The following DAGLA variants were observed in gnomAD, a reference collection of about 807,000 sequenced individuals.
DAGLA encodes diacylglycerol lipase alpha.
In DAGLA, 22 loss-of-function variants were observed where a neutral mutation model predicts 102.6. The observed-to-expected ratio is 0.21, with a 90% CI of 0.15 to 0.31. The LOEUF (loss-of-function observed/expected upper bound fraction) is 0.31. Ranked by LOEUF, DAGLA falls within the 10% of genes least tolerant of loss-of-function variation. DAGLA has a pLI of 1.00. For missense variants in DAGLA, 927 were observed against 1,446.6 expected (o/e 0.64, Z 5.83); for synonymous variants, 578 against 628.9 (o/e 0.92, Z 1.21).
chr11:61,735,107 G>A, intron 10 of DAGLA, 105 bp downstream of exon 10: 1 of 1,347,356 alleles, frequency 7.4e-7, no homozygotes, highest in Non-Finnish European at 1.0e-6. Flanking sequence ...CTTGGCTGGT[G>A]CTGGCTGGCT....
At chr11:61,728,386 G>A (rs2065348078) in intron 7 of DAGLA, 99 bp downstream of exon 7, 5 of 1,472,262 alleles carry the variant, frequency 3.4e-6, no homozygotes, top group African/African-American at 1.4e-5. Context: ...CGGCTCCCAC[G>A]CAGCTCCCCA....
chr11:61,710,983 A>C (rs1040118581), intron 1 of DAGLA, among the ~76,000 whole-genome samples: 9 of 152,296 alleles, frequency 5.9e-5, no homozygotes, highest in African/African-American at 2.2e-4. Flanking sequence ...CTAAGATTCA[A>C]ATTCGGGCTG....
At chr11:61,707,068 G>A (rs945325209) in intron 1 of DAGLA, among the ~76,000 whole-genome samples, 3 of 152,228 alleles carry the variant, frequency 2.0e-5, no homozygotes, top group Non-Finnish European at 2.9e-5. Context: ...TAGGGGGGCC[G>A]AGGGCACCAG....
chr11:61,737,015 G>A (rs143732748), intron 13 of DAGLA, among the ~76,000 whole-genome samples, 167 bp from the exon 14 acceptor site: 6 of 152,348 alleles, frequency 3.9e-5, no homozygotes, highest in East Asian at 1.9e-4. Flanking sequence ...CTAAGCAGTC[G>A]CTCTGTGGGG....
At chr11:61,709,042 T>C (rs1253024242) in intron 1 of DAGLA, among the ~76,000 whole-genome samples, 1 of 152,178 alleles carries the variant, frequency 6.6e-6, no homozygotes, top group Non-Finnish European at 1.5e-5. Context: ...TGTGGCCCCT[T>C]TTGCCCTCCT....
Position 61,739,592 on chromosome 11 carries a change from C to T in DAGLA, c.1784C>T (p.Ala595Val). The T allele has an allele frequency of 1.9e-6, 3 of 1,614,096 alleles. No individual in the cohort carries two copies. The highest frequency in any genetic ancestry group is 2.5e-6 in the Non-Finnish European group (3 of 1,180,022). The change falls in exon 17 of 20, where the codon GCC becomes GTC. Residue 595 changes from alanine (A) to valine (V), a missense_variant. Transcript: ENST00000257215. Reference sequence around the variant, plus strand: ...AGCGACCTAACTATAGCCCTCTCAGCCAGCACTCCACTCTACCCGCCCGGC... The same window carrying T: ...AGCGACCTAACTATAGCCCTCTCAGTCAGCACTCCACTCTACCCGCCCGGC... The part of the protein sequence containing the change: ...HPSDLTIALS[A>V]STPLYPPGRI...
Position 61,734,532 on chromosome 11 carries a change from C to T in DAGLA, c.975-317C>T, listed in dbSNP as rs1045492829. Among the ~76,000 whole-genome samples, 1 of 152,046 alleles carries T rather than the reference C, an allele frequency of 6.6e-6. No individual in the cohort carries two copies. Among genetic ancestry groups the T allele is most frequent in the Admixed American group, 6.5e-5 (1 of 15,268 alleles). On this transcript the variant is annotated intron_variant, in intron 9 of 19. Transcript: ENST00000257215. The surrounding 1 kb of genome is among the most constrained non-coding windows in gnomAD (Gnocchi z 4.2). ...GGAGGAGCCAGTGCCCCCAGAGGGACCCCAGGGCTTCAGTGTTGGGTGCAT... is the reference window on the plus strand; with the variant it reads ...GGAGGAGCCAGTGCCCCCAGAGGGATCCCAGGGCTTCAGTGTTGGGTGCAT...
intron 7 of DAGLA, among the ~76,000 whole-genome samples, chr11:61,728,627 C>T (rs934575119): frequency 2.7e-4 from 41 of 152,214 alleles, no homozygotes; most frequent in African/African-American, 7.5e-4. Context: ...ACCCCACATC[C>T]CCACCAGCAC....
chr11:61,739,204 C>T (rs2065453322), intron 16 of DAGLA, among the ~76,000 whole-genome samples: 1 of 152,230 alleles, frequency 6.6e-6, no homozygotes, highest in Non-Finnish European at 1.5e-5. Context: ...CTTCCAGCCC[C>T]TTGCCAGCCC....
At chr11:61,696,363 C>T (rs2065065173) in intron 1 of DAGLA, among the ~76,000 whole-genome samples, 1 of 152,054 alleles carries the variant, frequency 6.6e-6, no homozygotes, top group Non-Finnish European at 1.5e-5. Flanking sequence ...GGCTGCCTGC[C>T]TTCCACTCCC....
In DAGLA at chr11:61,731,377, G is replaced by A; in HGVS notation, c.910G>A (p.Gly304Arg). ...YYMLFALAAY[G>R]WPMYLMRKPA... is the part of the protein sequence containing the mutation. ...CATGCTCTTTGCCCTGGCTGCCTAC[G>A]GGTGGCCCATGTACCTGATGCGGAA... The change falls in exon 9 of 20, where the codon GGG (glycine) becomes AGG (arginine). Residue 304 changes from glycine to arginine, a missense_variant. By Grantham distance (125) the Gly-to-Arg change is moderately radical. Around this residue, in one of 4 missense-constraint regions of DAGLA, gnomAD observed 231 missense variants for 439.8 expected, o/e 0.53. Coordinates refer to ENST00000257215, the MANE Select transcript of DAGLA (RefSeq NM_006133.3). 6.2e-7 allele frequency: 1 copy of A among 1,614,080 alleles called. No homozygotes were observed. The highest frequency in any genetic ancestry group is 8.5e-7 in the Non-Finnish European group (1 of 1,180,028).
At chr11:61,711,392 A>G (rs1228561325) in intron 1 of DAGLA, among the ~76,000 whole-genome samples, 1 of 152,256 alleles carries the variant, frequency 6.6e-6, no homozygotes, top group Non-Finnish European at 1.5e-5. Context: ...GGAAGAATCC[A>G]GAAGCCAGAC....
intron 1 of DAGLA, among the ~76,000 whole-genome samples, chr11:61,715,648 G>A (rs956689596): frequency 3.3e-5 from 5 of 152,164 alleles, no homozygotes; most frequent in Admixed American, 6.5e-5. Context: ...CAGGCTCCTC[G>A]GTCAGGGCTT....
At chr11:61,731,812 TTC>T (rs2065377903) in intron 9 of DAGLA, among the ~76,000 whole-genome samples, 1 of 152,132 alleles carries the variant, frequency 6.6e-6, no homozygotes, top group South Asian at 2.1e-4. Context: ...CCTTCTGGCG[TTC>T]TCTCTCTGCC....
chr11:61,722,546 A>G (rs947355094), intron 3 of DAGLA, among the ~76,000 whole-genome samples: 4 of 152,200 alleles, frequency 2.6e-5, no homozygotes, highest in Non-Finnish European at 5.9e-5. Context: ...AGATCACACC[A>G]TTGCACTCCA....
intron 3 of DAGLA, among the ~76,000 whole-genome samples, chr11:61,721,868 C>T (rs546416031): frequency 3.0e-4 from 46 of 152,370 alleles, no homozygotes; most frequent in Non-Finnish European, 4.0e-4. Context: ...AACTAGTAAG[C>T]GTGTAAATGT....
At chr11:61,735,888 G>T in intron 12 of DAGLA, 72 bp downstream of exon 12, 1 of 1,409,336 alleles carries the variant, frequency 7.1e-7, no homozygotes, top group Non-Finnish European at 9.7e-7. Context: ...GGCGTGTATG[G>T]TTGGGGGTTC....
At chr11:61,720,356 T>C in intron 2 of DAGLA, 106 bp downstream of exon 2, 1 of 1,127,166 alleles carries the variant, frequency 8.9e-7, no homozygotes, top group Non-Finnish European at 1.3e-6. Flanking sequence ...GTCCCAACCC[T>C]GTCATGCCCC....
intron 1 of DAGLA, among the ~76,000 whole-genome samples, chr11:61,681,887 T>C (rs1327884973): frequency 1.3e-5 from 2 of 152,136 alleles, no homozygotes; most frequent in Non-Finnish European, 2.9e-5. Context: ...AGAGAAGCAA[T>C]TTGCAGCTCC....
Sources: allele counts gnomAD v4.1 joint callset (sites outside exome capture counted in the v4.1 genomes callset), GRCh38; gene constraint gnomAD v4.1.1; regional missense constraint gnomAD v4.1.1; non-coding constraint Gnocchi (gnomAD v3.1); transcripts MANE v1.5; gene names NCBI Gene and HGNC (gene_info 2026-07-23, HGNC 2026-07-21).